The following CLU variants were observed in gnomAD, a reference collection of about 807,000 sequenced individuals.
CLU encodes the protein aging-associated protein 4.
In CLU, 25 loss-of-function variants were observed where a neutral mutation model predicts 46.4. That is an observed-to-expected ratio of 0.54 (90% CI 0.39 to 0.75). The LOEUF is 0.75. Ranked by LOEUF, CLU falls within the 30% of genes least tolerant of loss-of-function variation. CLU has a pLI of 0.00. For missense variants in CLU, 504 were observed against 592.1 expected (o/e 0.85, Z 1.54); for synonymous variants, 235 against 235.1 (o/e 1.00, Z 0.00).
Position 27,598,553 on chromosome 8 carries a change from GT to G in CLU, c.1246del (p.Thr416LeufsTer2). 1 of 1,614,174 alleles carries G rather than the reference GT, an allele frequency of 6.2e-7. No individual in the cohort carries two copies. The highest frequency in any genetic ancestry group is 1.7e-5 in the Admixed American group (1 of 60,032). On this transcript the variant is annotated frameshift_variant, in exon 8 of 9. Transcript: ENST00000316403. LOFTEE classifies it high-confidence loss of function. ...GGAGACTTCTACAGGGACCGTCACA[GT>G]GATGGGATCAGAGTCAAAGAGCTTC... Reference protein sequence around the residue: ...VVKLFDSDPITVTVPVEVSRK... With the variant: ...VVKLFDSDPIXVTVPVEVSRK...
intron 5 of CLU, 134 bp from the exon 6 acceptor site, chr8:27,604,529 A>G (rs371951538): frequency 8.7e-6 from 7 of 807,790 alleles, no homozygotes; most frequent in African/African-American, 6.7e-5. Context: ...CTGGAATGCA[A>G]TGGTGCAATC....
Position 27,597,878 on chromosome 8 carries a change from C to T in CLU, c.*363G>A, listed in dbSNP as rs1423700662. The T allele has an allele frequency of 1.9e-6, 1 of 513,000 alleles. No individual in the cohort carries two copies. Among genetic ancestry groups the T allele is most frequent in the South Asian group, 1.5e-5 (1 of 64,976 alleles). The allele number at this position is 513,000 out of a possible 1,614,324, so 31.8% of individuals were successfully genotyped here. ...ACTGGTATGACAGTCCCTATACCAT[C>T]TTAGCCACTGCTTTTTTGTTTCTAC... On this transcript the variant is annotated 3_prime_UTR_variant, in exon 9 of 9. Coordinates refer to ENST00000316403, the MANE Select transcript of CLU (RefSeq NM_001831.4).
chr8:27,608,359 C>T (rs190326919), intron 3 of CLU, among the ~76,000 whole-genome samples: 7 of 152,132 alleles, frequency 4.6e-5, no homozygotes, highest in South Asian at 2.1e-4. Context: ...TGAAGTAGGG[C>T]GACCGTGAGA....
chr8:27,599,885 G>A lies in CLU; in HGVS notation c.1059C>T (p.Leu353=). Residue 353 remains leucine, a synonymous_variant, in exon 7 of 9, where the codon CTC becomes CTT. Coordinates refer to ENST00000316403, the MANE Select transcript of CLU (RefSeq NM_001831.4). This position sits in a 1 kb window ranked among gnomAD's most constrained non-coding sequence, Gnocchi z 4.0. ...GCTGCTCCAGCAAGGAGGAGGTGTT[G>A]AGCATCTTCCACTGGTAGGACTTTA... The part of the protein sequence containing the change: ...ELLKSYQWKM[L]NTSSLLEQLN... 3 of 1,614,202 alleles carry A rather than the reference G, an allele frequency of 1.9e-6. No homozygotes were observed. The highest frequency in any genetic ancestry group is 2.7e-5 in the African/African-American group (2 of 75,046).
intron 2 of CLU, 118 bp from the exon 3 acceptor site, chr8:27,609,204 C>T: frequency 1.8e-6 from 2 of 1,103,436 alleles, no homozygotes. Context: ...AGGCTGGGAC[C>T]CCCACTCCTG....
At position 27,599,758 on chromosome 8, in the gene CLU, A is replaced by G. The variant is rs1235950774; in HGVS notation, c.1164+22T>C. On this transcript the variant is annotated intron_variant, in intron 7 of 8. Coordinates refer to ENST00000316403, the MANE Select transcript of CLU (RefSeq NM_001831.4). The surrounding 1 kb of genome is among the most constrained non-coding windows in gnomAD (Gnocchi z 4.0). ...ACAGCTCGGGCTCCCGAGCCACAGC[A>G]TGTGGCCGGGACACAGCTCACCGTG... 1 of 1,564,404 alleles carries G rather than the reference A, an allele frequency of 6.4e-7. No homozygotes were observed. Among genetic ancestry groups the G allele is most frequent in the Admixed American group, 1.8e-5 (1 of 56,784 alleles).
intron 3 of CLU, 108 bp downstream of exon 3, chr8:27,608,830 G>A: frequency 8.7e-7 from 1 of 1,154,124 alleles, no homozygotes; most frequent in Non-Finnish European, 1.3e-6. Context: ...CACAGCCTGG[G>A]AGGACTGCGG....
At position 27,599,145 on chromosome 8, in the gene CLU, T is replaced by A. The variant is rs958447366; in HGVS notation, c.1165-510A>T. 3 of 155,028 alleles carry A rather than the reference T, an allele frequency of 1.9e-5. No homozygotes were observed. The highest frequency in any genetic ancestry group is 4.3e-5 in the Non-Finnish European group (3 of 70,084). The allele number at this position is 155,028 out of a possible 1,614,324, so 9.6% of individuals were successfully genotyped here. A position where few individuals can be genotyped will look rare whatever the true frequency, so the allele number is the denominator to read the frequency against. On this transcript the variant is annotated intron_variant, in intron 7 of 8. Transcript: ENST00000316403. The surrounding 1 kb of genome is among the most constrained non-coding windows in gnomAD (Gnocchi z 4.0). ...CTCACTGCAGCCTCCACTTCAGGGC[T>A]CAGGCAATCCTCCCACCTCAGCCTC...
intron 5 of CLU, 74 bp downstream of exon 5, chr8:27,604,850 C>A: frequency 6.5e-7 from 1 of 1,533,924 alleles, no homozygotes; most frequent in South Asian, 1.1e-5. Context: ...GAGATGACAC[C>A]CGCTGAGCCC....
At position 27,597,554 on chromosome 8, in the gene CLU, T is replaced by C. The variant is rs1329725068; in HGVS notation, c.*687A>G. 4.4e-6 allele frequency: 2 copies of C among 454,062 alleles called. No individual in the cohort carries two copies. Among genetic ancestry groups the C allele is most frequent in the Admixed American group, 2.3e-5 (1 of 42,566 alleles). The allele number at this position is 454,062 out of a possible 1,614,324, so 28.1% of individuals were successfully genotyped here. On this transcript the variant is annotated 3_prime_UTR_variant, in exon 9 of 9. Coordinates refer to ENST00000316403, the MANE Select transcript of CLU (RefSeq NM_001831.4). ...TAGCTCTTACAAATAAAACTGATAA[T>C]TTGGACTTCTGGGCACCAAATGTTT...
At chr8:27,611,652 G>A (rs1174310724) in intron 1 of CLU, 1 of 457,770 alleles carries the variant, frequency 2.2e-6, no homozygotes, top group Admixed American at 2.3e-5. Flanking sequence ...TTCCTGAAAT[G>A]GTTCACATCC....
In CLU at chr8:27,609,009, G is replaced by C; in HGVS notation, c.175C>G (p.Leu59Val). ...CGCTCTTCGTTTGTTTTTTCTATGAGAGTCTTTATCTGTTTCACCCCGTTG... is the reference window on the plus strand; with the variant it reads ...CGCTCTTCGTTTGTTTTTTCTATGACAGTCTTTATCTGTTTCACCCCGTTG... ...AVNGVKQIKT[L>V]IEKTNEERKT... is the part of the protein sequence containing the mutation. The change falls in exon 3 of 9, where the codon CTC becomes GTC. Residue 59 changes from leucine (L) to valine (V), a missense_variant. Leu to Val is a conservative substitution (Grantham distance 32, BLOSUM62 1). Coordinates refer to ENST00000316403, the MANE Select transcript of CLU (RefSeq NM_001831.4). The C allele has an allele frequency of 3.7e-6, 6 of 1,614,146 alleles. No homozygotes were observed. The highest frequency in any genetic ancestry group is 5.1e-6 in the Non-Finnish European group (6 of 1,179,996).
intron 1 of CLU, chr8:27,611,027 C>CA: frequency 2.7e-6 from 1 of 374,930 alleles, no homozygotes; most frequent in Non-Finnish European, 5.3e-6. Context: ...GCCACCTCCA[C>CA]AGAGGGACTG....
intron 6 of CLU, 34 bp downstream of exon 6, chr8:27,604,256 AG>A (rs754448694): frequency 4.2e-5 from 32 of 765,798 alleles, no homozygotes; most frequent in Admixed American, 4.1e-4. Flanking sequence ...ACAAGGGATC[AG>A]GGGGGACGGC....
At chr8:27,608,788 T>C (rs1056364676) in intron 3 of CLU, 150 bp downstream of exon 3, 5 of 831,596 alleles carry the variant, frequency 6.0e-6, no homozygotes, top group South Asian at 1.4e-5. Context: ...GAACCTTCCC[T>C]GCTTCTTAAT....
In CLU at chr8:27,610,894, T is replaced by C. The variant is rs192024901; in HGVS notation, c.-29-294A>G. The C allele has an allele frequency of 1.3e-3, 518 of 408,428 alleles. 5 individuals are homozygous for C. Among genetic ancestry groups the C allele is most frequent in the African/African-American group, 9.8e-3 (480 of 48,908 alleles). 25.3% of individuals were successfully genotyped at this position (408,428 alleles called of 1,614,324 possible). On this transcript the variant is annotated intron_variant, in intron 1 of 8. Transcript: ENST00000316403. ...GAACCAGGCTCTTGTCCAAGCCACATCCTCCCCGACAATCAGCGAGGCACA... is the reference window on the plus strand; with the variant it reads ...GAACCAGGCTCTTGTCCAAGCCACACCCTCCCCGACAATCAGCGAGGCACA...
intron 1 of CLU, among the ~76,000 whole-genome samples, chr8:27,612,887 C>A (rs1263119002): frequency 1.3e-5 from 2 of 149,738 alleles, no homozygotes; most frequent in African/African-American, 4.9e-5. Context: ...CTTGCTCCTT[C>A]TACCAGAAAA....
chr8:27,610,489 T>C lies in CLU; in HGVS notation c.83A>G (p.Asp28Gly). The change falls in exon 2 of 9, where the codon GAC becomes GGC. Residue 28 changes from aspartate (D) to glycine (G), a missense_variant. Physicochemically the swap from Asp to Gly is moderately conservative, Grantham distance 94. Around this residue, in one of 3 missense-constraint regions of CLU, gnomAD observed 73 missense variants for 91.2 expected, o/e 0.80. Transcript: ENST00000316403. ...GQVLGDQTVS[D>G]NELQEMSNQG... Reference sequence around the variant, plus strand: ...GGTCTACTCACCCTGGAGCTCATTGTCTGAGACCGTCTGGTCCCCCAGGAC... The same window carrying C: ...GGTCTACTCACCCTGGAGCTCATTGCCTGAGACCGTCTGGTCCCCCAGGAC... The C allele has an allele frequency of 6.2e-7, 1 of 1,614,098 alleles. No homozygotes were observed.
At chr8:27,603,976 C>T (rs1005945489) in intron 6 of CLU, among the ~76,000 whole-genome samples, 7 of 152,184 alleles carry the variant, frequency 4.6e-5, no homozygotes, top group Admixed American at 1.3e-4. Context: ...ACAGAATCAC[C>T]GGGGAGTCCC....
Sources: allele counts gnomAD v4.1 joint callset (sites outside exome capture counted in the v4.1 genomes callset), GRCh38; gene constraint gnomAD v4.1.1; regional missense constraint gnomAD v4.1.1; non-coding constraint Gnocchi (gnomAD v3.1); transcripts MANE v1.5; gene names NCBI Gene and HGNC (gene_info 2026-07-23, HGNC 2026-07-21).